Variants in TMEM200A observed in about 807,000 individuals in gnomAD.
TMEM200A encodes the protein transmembrane protein 200A, also known as two transmembrane C.
Under a neutral mutation model 24.3 loss-of-function variants are expected in TMEM200A, and 12 were observed. The ratio of observed to expected loss-of-function variants is 0.49; its 90% CI spans 0.32 to 0.80. The LOEUF is 0.80. Among genes scored for constraint, TMEM200A ranks in the 30% least tolerant of loss-of-function variants. The pLI, the probability that TMEM200A is intolerant of heterozygous loss-of-function variation, is 0.04. For synonymous variants in TMEM200A, 224 were observed against 224.4 expected, an observed-to-expected ratio of 1.00 and a Z score of 0.02; for missense variants, 545 against 614.4, an observed-to-expected ratio of 0.89 and a Z score of 1.19.
chr6:130,417,299 C>T (rs1341805382), intron 2 of TMEM200A, among the ~76,000 whole-genome samples: 1 of 152,078 alleles, frequency 6.6e-6, no homozygotes, highest in African/African-American at 2.4e-5. Flanking sequence ...GTCACTCAAA[C>T]ACTTTTGGTG....
At chr6:130,394,709 C>T (rs564295942) in intron 2 of TMEM200A, among the ~76,000 whole-genome samples, 2 of 152,272 alleles carry the variant, frequency 1.3e-5, no homozygotes, top group South Asian at 2.1e-4. Flanking sequence ...TTGAAGACTG[C>T]GTTTACATTC....
chr6:130,397,093 C>G (rs111635492), intron 2 of TMEM200A, among the ~76,000 whole-genome samples: 59 of 152,252 alleles, frequency 3.9e-4, no homozygotes, highest in African/African-American at 1.4e-3. Flanking sequence ...ACTTGTAGCT[C>G]TAGCTGATTA....
intron 2 of TMEM200A, among the ~76,000 whole-genome samples, chr6:130,390,625 G>C (rs1256043397): frequency 6.6e-6 from 1 of 152,164 alleles, no homozygotes; most frequent in Non-Finnish European, 1.5e-5. Flanking sequence ...TAGCATAGAG[G>C]GGAATGTGTT....
At chr6:130,429,971 G>A (rs1206798157) in intron 2 of TMEM200A, among the ~76,000 whole-genome samples, 1 of 152,094 alleles carries the variant, frequency 6.6e-6, no homozygotes, top group Non-Finnish European at 1.5e-5. Flanking sequence ...GCTTACATTG[G>A]GGAAGGAGAA....
intron 2 of TMEM200A, among the ~76,000 whole-genome samples, chr6:130,413,665 C>G (rs191785974): frequency 2.6e-5 from 4 of 152,096 alleles, no homozygotes; most frequent in Admixed American, 2.6e-4. Context: ...TGCTTCCATT[C>G]TTGCCACTTT....
chr6:130,371,893 G>A (rs1461505382), intron 1 of TMEM200A, among the ~76,000 whole-genome samples: 1 of 152,192 alleles, frequency 6.6e-6, no homozygotes, highest in Non-Finnish European at 1.5e-5. Context: ...GAGGGAGACA[G>A]GATTTTATTA....
At chr6:130,381,853 A>G (rs2115090408) in intron 1 of TMEM200A, 1 of 949,730 alleles carries the variant, frequency 1.1e-6, no homozygotes, top group East Asian at 1.2e-4. Context: ...AGAATTTGAG[A>G]AATTGCTGAC....
chr6:130,400,396 T>C (rs1315430524), intron 2 of TMEM200A, among the ~76,000 whole-genome samples: 1 of 151,996 alleles, frequency 6.6e-6, no homozygotes, highest in Non-Finnish European at 1.5e-5. Context: ...GTTCACCACA[T>C]CCACAGCTCT....
chr6:130,396,627 T>G (rs1327949370), intron 2 of TMEM200A, among the ~76,000 whole-genome samples: 1 of 152,116 alleles, frequency 6.6e-6, no homozygotes, highest in Non-Finnish European at 1.5e-5. Flanking sequence ...TACACACATA[T>G]TGTATATATA....
Position 130,409,613 on chromosome 6 carries a change from A to G in TMEM200A, c.-17+24377A>G, listed in dbSNP as rs937355367. Reference sequence around the variant, plus strand: ...ACAGGTAATGCTTCAGATAGATAGGATTTTTTTTCCTGACTGTCATTCTTA... The same window carrying G: ...ACAGGTAATGCTTCAGATAGATAGGGTTTTTTTTCCTGACTGTCATTCTTA... On this transcript the variant is annotated intron_variant, in intron 2 of 2. Transcript: ENST00000296978. Among the ~76,000 whole-genome samples, 3 of 152,138 alleles carry G rather than the reference A, an allele frequency of 2.0e-5. No homozygotes were observed. In the East Asian group the frequency reaches 5.8e-4, roughly 29 times the overall value.
chr6:130,414,919 T>G (rs1183629051), intron 2 of TMEM200A, among the ~76,000 whole-genome samples: 1 of 152,194 alleles, frequency 6.6e-6, no homozygotes, highest in Non-Finnish European at 1.5e-5. Flanking sequence ...CAGCACAGAC[T>G]GTTTTTATGG....
At chr6:130,422,510 G>T (rs1400513748) in intron 2 of TMEM200A, among the ~76,000 whole-genome samples, 2 of 152,000 alleles carry the variant, frequency 1.3e-5, no homozygotes, top group South Asian at 2.1e-4. Context: ...CAAGTGATCT[G>T]CCTGCCTCGG....
At position 130,398,663 on chromosome 6, in the gene TMEM200A, T is replaced by C. The variant is rs559690108; in HGVS notation, c.-17+13427T>C. On this transcript the variant is annotated intron_variant, in intron 2 of 2. Coordinates refer to ENST00000296978, the MANE Select transcript of TMEM200A (RefSeq NM_001258277.2). The stretch of plus-strand genomic sequence containing the variant: ...CAACATCTGTTGTTTTAAGACTTTT[T>C]AGTAATGGCCATTCTGACTGGTGTG... 2.6e-5 allele frequency among the ~76,000 whole-genome samples: 4 copies of C among 152,216 alleles called. No homozygotes were observed. The East Asian group carries it at 7.7e-4, about 29-fold the overall frequency.
intron 2 of TMEM200A, among the ~76,000 whole-genome samples, chr6:130,398,489 A>G (rs966805427): frequency 1.4e-4 from 22 of 151,888 alleles, no homozygotes; most frequent in African/African-American, 5.1e-4. Flanking sequence ...GTATACACTC[A>G]GTAGAATATA....
intron 2 of TMEM200A, among the ~76,000 whole-genome samples, chr6:130,393,234 C>G (rs548024074): frequency 6.6e-6 from 1 of 152,090 alleles, no homozygotes; most frequent in Non-Finnish European, 1.5e-5. Context: ...AGAGGAAGAC[C>G]AAGGGATCTG....
chr6:130,389,563 T>C (rs1465559472), intron 2 of TMEM200A, among the ~76,000 whole-genome samples: 2 of 151,962 alleles, frequency 1.3e-5, no homozygotes, highest in Admixed American at 6.5e-5. Context: ...TGAGAAATTC[T>C]AACAATAATA....
chr6:130,439,068 A>G (rs1246644996), intron 2 of TMEM200A: 1 of 152,220 alleles, frequency 6.6e-6, no homozygotes, highest in Non-Finnish European at 1.5e-5. Flanking sequence ...TATGCAAATT[A>G]AAGAGAAGAG....
chr6:130,405,533 A>G (rs1012537767), intron 2 of TMEM200A, among the ~76,000 whole-genome samples: 4 of 152,070 alleles, frequency 2.6e-5, no homozygotes, highest in Admixed American at 2.0e-4. Context: ...CCATTAGTTG[A>G]CTTTGCATCA....
At chr6:130,394,488 G>C (rs1778904759) in intron 2 of TMEM200A, among the ~76,000 whole-genome samples, 1 of 152,100 alleles carries the variant, frequency 6.6e-6, no homozygotes, top group Non-Finnish European at 1.5e-5. Context: ...TCGAATATTG[G>C]CAGGGGCACC....
Sources: gnomAD v4.1 joint callset for allele counts (sites outside exome capture counted in the v4.1 genomes callset) on GRCh38, gnomAD v4.1.1 for gene constraint, MANE v1.5 for transcripts, NCBI Gene and HGNC (gene_info 2026-07-23, HGNC 2026-07-21) for gene names.